Variants in EDARADD observed in about 807,000 individuals in gnomAD.
EDARADD encodes the protein EDAR associated via death domain, also known as ectodysplasin-A receptor-associated adapter protein.
In EDARADD, 20 loss-of-function variants were observed where a neutral mutation model predicts 25.6. That is an observed-to-expected ratio of 0.78 (90% CI 0.55 to 1.14). EDARADD has a LOEUF of 1.14. Ranked by LOEUF, EDARADD falls within the 50% of genes most tolerant of loss-of-function variation. The pLI is 0.00. For missense variants in EDARADD, 225 were observed against 270.1 expected (o/e 0.83, Z 1.17); for synonymous variants, 86 against 94.4 (o/e 0.91, Z 0.52).
At chr1:236,416,316 C>G (rs1193188929) in intron 3 of EDARADD, among the ~76,000 whole-genome samples, 3 of 152,186 alleles carry the variant, frequency 2.0e-5, no homozygotes, top group Non-Finnish European at 4.4e-5. Context: ...TGTGAAAAAT[C>G]AAGCTTAAAA....
chr1:236,477,690 A>G (rs1461796200), intron 5 of EDARADD, among the ~76,000 whole-genome samples: 1 of 152,154 alleles, frequency 6.6e-6, no homozygotes, highest in South Asian at 2.1e-4. Flanking sequence ...AGGCGTTCTG[A>G]TCATGAAGGA....
chr1:236,440,130 T>C (rs1438792764), intron 4 of EDARADD, among the ~76,000 whole-genome samples: 1 of 152,226 alleles, frequency 6.6e-6, no homozygotes, highest in Non-Finnish European at 1.5e-5. Context: ...TCCACTATTA[T>C]ATTGCCTTTG....
At chr1:236,420,357 A>G (rs1247908343) in intron 3 of EDARADD, among the ~76,000 whole-genome samples, 2 of 152,216 alleles carry the variant, frequency 1.3e-5, no homozygotes, top group Non-Finnish European at 2.9e-5. Context: ...CTGTTATAAT[A>G]TATTTCTGCC....
intron 4 of EDARADD, among the ~76,000 whole-genome samples, chr1:236,441,639 T>C (rs984279538): frequency 2.6e-5 from 4 of 151,578 alleles, no homozygotes; most frequent in Non-Finnish European, 4.4e-5. Flanking sequence ...TTCTCCTGAC[T>C]CAGCCTCCTG....
intron 3 of EDARADD, among the ~76,000 whole-genome samples, chr1:236,379,708 G>T (rs185975662): frequency 0.04 from 6,047 of 150,966 alleles, 147 homozygotes; most frequent in African/African-American, 0.067. Context: ...GAACCCCGGG[G>T]GGTGGAGGCT....
chr1:236,394,538 T>C, intron 1 of EDARADD, 33 bp downstream of exon 1: 1 of 1,604,448 alleles, frequency 6.2e-7, no homozygotes, highest in Non-Finnish European at 8.5e-7. Context: ...CCTGGATTTC[T>C]CAGAGCTGAG....
At chr1:236,384,961 T>C (rs1240719466) in intron 3 of EDARADD, among the ~76,000 whole-genome samples, 1 of 152,128 alleles carries the variant, frequency 6.6e-6, no homozygotes, top group Non-Finnish European at 1.5e-5. Flanking sequence ...ATAGCAAAGA[T>C]TAATAATTAA....
chr1:236,352,103 G>C (rs1338769844), intron 3 of EDARADD, among the ~76,000 whole-genome samples: 3 of 152,098 alleles, frequency 2.0e-5, no homozygotes, highest in African/African-American at 7.2e-5. Context: ...GGTTTTTTCA[G>C]GGTCTTATCA....
At position 236,483,577 on chromosome 1, in the gene EDARADD, C is replaced by T. The variant is rs946638064; in HGVS notation, c.*928C>T. 5.0e-6 allele frequency: 7 copies of T among 1,394,988 alleles called. No individual in the cohort carries two copies. Among genetic ancestry groups the T allele is most frequent in the African/African-American group, 1.4e-5 (1 of 70,360 alleles). 86.4% of individuals were successfully genotyped at this position (1,394,988 alleles called of 1,614,324 possible). On this transcript the variant is annotated 3_prime_UTR_variant, in exon 6 of 6. Transcript: ENST00000334232. ...CTGTACCACCACATCGCCGACTTGT[C>T]TGGCAACTCCAAAGTCATCTTGCCA...
At chr1:236,475,254 T>C (rs1264120197) in intron 5 of EDARADD, among the ~76,000 whole-genome samples, 1 of 152,266 alleles carries the variant, frequency 6.6e-6, no homozygotes, top group Non-Finnish European at 1.5e-5. Context: ...CTCCGAGGCA[T>C]TACCCAGTTT....
chr1:236,357,180 T>A (rs1666989142), intron 3 of EDARADD, among the ~76,000 whole-genome samples: 2 of 152,192 alleles, frequency 1.3e-5, no homozygotes, highest in Non-Finnish European at 2.9e-5. Context: ...TCTAATATTC[T>A]GTGTGACAAA....
intron 4 of EDARADD, among the ~76,000 whole-genome samples, chr1:236,440,453 T>A (rs1658368750): frequency 6.6e-6 from 1 of 152,214 alleles, no homozygotes; most frequent in Non-Finnish European, 1.5e-5. Flanking sequence ...TATAGATCAA[T>A]TTGGAAGAAC....
chr1:236,408,173 T>A (rs1667771133), intron 1 of EDARADD, among the ~76,000 whole-genome samples: 1 of 152,024 alleles, frequency 6.6e-6, no homozygotes, highest in Admixed American at 6.6e-5. Flanking sequence ...TGGTGGGGTT[T>A]TTTATGTAGT....
At chr1:236,466,453 A>ACACACACT (rs1349386870) in intron 4 of EDARADD, among the ~76,000 whole-genome samples, 1 of 151,810 alleles carries the variant, frequency 6.6e-6, no homozygotes, top group African/African-American at 2.4e-5. Context: ...ACACACACAC[A>ACACACACT]CACACACTCA....
intron 4 of EDARADD, among the ~76,000 whole-genome samples, chr1:236,459,611 CTTTTTTTTTT>C (rs397860471): frequency 1.0e-5 from 1 of 100,462 alleles, no homozygotes; most frequent in Admixed American, 1.2e-4. Flanking sequence ...TTATTTAGCT[CTTTTTTTTTT>C]TTTTTTTTTT....
chr1:236,403,346 G>T (rs1667649326), intron 1 of EDARADD, among the ~76,000 whole-genome samples: 1 of 152,072 alleles, frequency 6.6e-6, no homozygotes, highest in Non-Finnish European at 1.5e-5. Flanking sequence ...GGAGTGCAGT[G>T]GCGTGATCTC....
At position 236,438,508 on chromosome 1, in the gene EDARADD, G is replaced by A. The variant is rs147676391; in HGVS notation, c.219+11058G>A. On this transcript the variant is annotated intron_variant, in intron 4 of 5. Transcript: ENST00000334232. ...ACTGTTGAAAATAGAAAAACCACTT[G>A]TTTGGGCAGTGGGAAAAGCAAGTAG... Among the ~76,000 whole-genome samples, 473 of 152,242 alleles carry A rather than the reference G, an allele frequency of 3.1e-3. 3 individuals carry two copies. Among genetic ancestry groups the A allele is most frequent in the African/African-American group, 0.01 (430 of 41,552 alleles).
chr1:236,410,073 A>G (rs1419468472), intron 2 of EDARADD, among the ~76,000 whole-genome samples: 1 of 151,998 alleles, frequency 6.6e-6, no homozygotes, highest in African/African-American at 2.4e-5. Context: ...TTTAAAATTC[A>G]TTTTATGGTT....
At chr1:236,481,596 C>G (rs1571962490) in intron 5 of EDARADD, among the ~76,000 whole-genome samples, 1 of 85,018 alleles carries the variant, frequency 1.2e-5, no homozygotes, top group Admixed American at 1.1e-4. Flanking sequence ...AACCCCACCT[C>G]TACCAAAAAA....
Sources: allele counts gnomAD v4.1 joint callset (sites outside exome capture counted in the v4.1 genomes callset), GRCh38; gene constraint gnomAD v4.1.1; transcripts MANE v1.5; gene names NCBI Gene and HGNC (gene_info 2026-07-23, HGNC 2026-07-21).